The following C19orf44 variants were observed in gnomAD, a reference collection of about 807,000 sequenced individuals.
C19orf44 encodes the protein uncharacterized protein C19orf44.
A neutral mutation model predicts 50.7 loss-of-function variants in C19orf44; 43 were observed. That is an observed-to-expected ratio of 0.85 (90% CI 0.66 to 1.09). C19orf44 has a LOEUF of 1.09. Among genes scored for constraint, C19orf44 ranks in the 50% least tolerant of loss-of-function variants. C19orf44 has a pLI of 0.00. For missense variants in C19orf44, 722 were observed against 836.2 expected (o/e 0.86, Z 1.68); for synonymous variants, 298 against 334.7 (o/e 0.89, Z 1.20).
chr19:16,517,174 C>T (rs1239912160), intron 7 of C19orf44, 56 bp from the exon 8 acceptor site: 2 of 1,528,114 alleles, frequency 1.3e-6, no homozygotes, highest in African/African-American at 2.7e-5. Flanking sequence ...AGCACCCTGT[C>T]TCAGAGTGTA....
rs1480428317 is a variant in C19orf44, at chr19:16,509,709, C to A, written c.1360C>A (p.Pro454Thr). ...IQQDSTSSMQ[P>T]PSEAPMVNTV... ...GCAGGACAGCACTTCCAGCATGCAGCCACCATCTGAAGCCCCCATGGTGAA... is the reference window on the plus strand; with the variant it reads ...GCAGGACAGCACTTCCAGCATGCAGACACCATCTGAAGCCCCCATGGTGAA... Residue 454 changes from proline (P) to threonine (T), a missense_variant, in exon 5 of 9, where the codon CCA (proline) becomes ACA (threonine). Transcript: ENST00000221671. 2 of 1,614,130 alleles carry A rather than the reference C, an allele frequency of 1.2e-6. No homozygotes were observed. Among genetic ancestry groups the A allele is most frequent in the Non-Finnish European group, 1.7e-6 (2 of 1,180,050 alleles).
In C19orf44 at chr19:16,521,342, C is replaced by G; in HGVS notation, c.*1289C>G. ...TCTGATGTGTCTCCATTAAAACGCCCTTCATTGAGGGCCACGTGTGTGCTG... is the reference window on the plus strand; with the variant it reads ...TCTGATGTGTCTCCATTAAAACGCCGTTCATTGAGGGCCACGTGTGTGCTG... On this transcript the variant is annotated 3_prime_UTR_variant, in exon 9 of 9. Coordinates refer to ENST00000221671, the MANE Select transcript of C19orf44 (RefSeq NM_032207.4). 5.0e-6 allele frequency: 3 copies of G among 600,610 alleles called. No individual in the cohort carries two copies. The allele number at this position is 600,610 out of a possible 1,614,324, so 37.2% of individuals were successfully genotyped here.
chr19:16,506,419 C>G (rs2093440772), intron 3 of C19orf44, among the ~76,000 whole-genome samples: 1 of 151,898 alleles, frequency 6.6e-6, no homozygotes. Context: ...ATGGTGAAAT[C>G]TTGTCTGTAC....
chr19:16,509,958 G>C lies in C19orf44; in HGVS notation c.1609G>C (p.Asp537His). The C allele has an allele frequency of 6.2e-7, 1 of 1,614,250 alleles. No individual in the cohort carries two copies. Among genetic ancestry groups the C allele is most frequent in the African/African-American group, 1.3e-5 (1 of 75,080 alleles). Residue 537 changes from aspartate to histidine, a missense_variant, in exon 5 of 9, where the codon GAT becomes CAT. By Grantham distance (81) the Asp-to-His change is moderately conservative. Transcript: ENST00000221671. Reference protein sequence around the residue: ...LVKDTAVQTPDPAFTYEWTKV... With the variant: ...LVKDTAVQTPHPAFTYEWTKV... Reference sequence around the variant, plus strand: ...GAAGGACACAGCTGTGCAGACGCCAGATCCTGCCTTCACCTACGAGTGGAC... The same window carrying C: ...GAAGGACACAGCTGTGCAGACGCCACATCCTGCCTTCACCTACGAGTGGAC...
At position 16,503,365 on chromosome 19, in the gene C19orf44, G is replaced by T; in HGVS notation, c.1060G>T (p.Asp354Tyr). 6.2e-7 allele frequency: 1 copy of T among 1,610,770 alleles called. No homozygotes were observed. Among genetic ancestry groups the T allele is most frequent in the Non-Finnish European group, 8.5e-7 (1 of 1,177,180 alleles). ...GGACGAGCCAGTCTCAGAAGGTGCT[G>T]ATGACAGCCTCGACGGTAATCCCAG... ...TVDEPVSEGA[D>Y]DSLDEFRINI... Residue 354 changes from aspartate to tyrosine, a missense_variant, in exon 3 of 9, where the codon GAT becomes TAT. By Grantham distance (160) the Asp-to-Tyr change is radical (BLOSUM62 -3). Transcript: ENST00000221671.
chr19:16,509,763 T>G lies in C19orf44; in HGVS notation c.1414T>G (p.Phe472Val). The G allele has an allele frequency of 6.2e-7, 1 of 1,614,206 alleles. No homozygotes were observed. Among genetic ancestry groups the G allele is most frequent in the Non-Finnish European group, 8.5e-7 (1 of 1,180,038 alleles). The change falls in exon 5 of 9, where the codon TTT (phenylalanine) becomes GTT (valine). Residue 472 changes from phenylalanine (F) to valine (V), a missense_variant. Physicochemically the swap from Phe to Val is conservative, Grantham distance 50 (BLOSUM62 -1). Coordinates refer to ENST00000221671, the MANE Select transcript of C19orf44 (RefSeq NM_032207.4). ...AGTCAGCTCAGCTTATTCGGAGGAT[T>G]TTGAAAACTCTCCAAGTCTGACAGC... The part of the protein sequence containing the change: ...NTVSSAYSED[F>V]ENSPSLTASE...
rs2085608831 is a variant in C19orf44, at chr19:16,520,980, T to C, written c.*927T>C. On this transcript the variant is annotated 3_prime_UTR_variant, in exon 9 of 9. Coordinates refer to ENST00000221671, the MANE Select transcript of C19orf44 (RefSeq NM_032207.4). This position sits in a 1 kb window ranked among gnomAD's most constrained non-coding sequence, Gnocchi z 4.0. ...CCACAAGGAAGTCGTGAAAAAGTCA[T>C]CAGGAGTTAATCCACAGAACCTTGG... 1 of 1,359,956 alleles carries C rather than the reference T, an allele frequency of 7.4e-7. No individual in the cohort carries two copies. Among genetic ancestry groups the C allele is most frequent in the South Asian group, 1.2e-5 (1 of 86,022 alleles). 84.2% of individuals were successfully genotyped at this position (1,359,956 alleles called of 1,614,324 possible).
chr19:16,501,305 T>C lies in C19orf44; in HGVS notation c.513T>C (p.Ser171=). The change falls in exon 2 of 9, where the codon AGT becomes AGC. Residue 171 remains serine (S), a synonymous_variant. Coordinates refer to ENST00000221671, the MANE Select transcript of C19orf44 (RefSeq NM_032207.4). The stretch of plus-strand genomic sequence containing the variant: ...ATAATGCACAGAACGCGAAGGTCAG[T>C]AGGTTTCTAAAGAAGAAACAAGCAC... The part of the protein sequence containing the change: ...TENNAQNAKV[S]RFLKKKQAPV... 1 of 1,614,162 alleles carries C rather than the reference T, an allele frequency of 6.2e-7. No individual in the cohort carries two copies. Among genetic ancestry groups the C allele is most frequent in the Non-Finnish European group, 8.5e-7 (1 of 1,180,044 alleles).
At chr19:16,514,757 C>T in intron 7 of C19orf44, 94 bp downstream of exon 7, 1 of 1,355,476 alleles carries the variant, frequency 7.4e-7, no homozygotes, top group South Asian at 1.6e-5. Context: ...GGCCTGGGCT[C>T]CAGCGCTCAG....
Position 16,519,067 on chromosome 19 carries a change from T to C in C19orf44, c.*41-1027T>C. On this transcript the variant is annotated intron_variant, in intron 8 of 8. Transcript: ENST00000221671. This position sits in a 1 kb window ranked among gnomAD's most constrained non-coding sequence, Gnocchi z 6.0. ...CCACAAGTGGAGACGGTGTAAGAAC[T>C]GAGCTGTCACTGCAATCTTCCTCTG... 3 of 1,165,892 alleles carry C rather than the reference T, an allele frequency of 2.6e-6. No homozygotes were observed. The highest frequency in any genetic ancestry group is 2.5e-6 in the Non-Finnish European group (2 of 815,300). The allele number at this position is 1,165,892 out of a possible 1,614,324, so 72.2% of individuals were successfully genotyped here. A position where few individuals can be genotyped will look rare whatever the true frequency, so the allele number is the denominator to read the frequency against.
intron 1 of C19orf44, among the ~76,000 whole-genome samples, chr19:16,498,859 A>G (rs547189590): frequency 2.5e-4 from 37 of 150,978 alleles, no homozygotes; most frequent in Non-Finnish European, 4.0e-4. Flanking sequence ...TTTAGTAGAG[A>G]CGGGGTTTCA....
intron 8 of C19orf44, among the ~76,000 whole-genome samples, chr19:16,517,586 C>A (rs1252080122): frequency 1.3e-5 from 2 of 152,174 alleles, no homozygotes; most frequent in Non-Finnish European, 2.9e-5. Context: ...AGCTCTATGA[C>A]ACCACAGGCC....
chr19:16,511,276 C>G (rs558789453), intron 5 of C19orf44, among the ~76,000 whole-genome samples: 2 of 152,242 alleles, frequency 1.3e-5, no homozygotes, highest in African/African-American at 4.8e-5. Context: ...ACCTCGTGAT[C>G]TGCCTGCCTC....
chr19:16,515,491 C>T (rs1346115201), intron 7 of C19orf44, among the ~76,000 whole-genome samples: 1 of 152,174 alleles, frequency 6.6e-6, no homozygotes, highest in Non-Finnish European at 1.5e-5. Flanking sequence ...ATATATACTC[C>T]TTCAGACTCT....
At chr19:16,516,645 G>A (rs940208475) in intron 7 of C19orf44, among the ~76,000 whole-genome samples, 8 of 152,206 alleles carry the variant, frequency 5.3e-5, no homozygotes, top group East Asian at 1.9e-4. Flanking sequence ...CTGTGAAAGC[G>A]ATGCTGGGCC....
chr19:16,505,247 C>T (rs2093437528), intron 3 of C19orf44, among the ~76,000 whole-genome samples: 1 of 138,208 alleles, frequency 7.2e-6, no homozygotes, highest in African/African-American at 2.7e-5. Flanking sequence ...GAGTTTTGCC[C>T]TTGTTGCCCA....
intron 5 of C19orf44, among the ~76,000 whole-genome samples, chr19:16,510,450 A>G (rs1242976512): frequency 2.6e-5 from 4 of 152,054 alleles, no homozygotes; most frequent in African/African-American, 7.2e-5. Flanking sequence ...TTCCTCTTCC[A>G]TGGACGAGGG....
At chr19:16,497,121 T>C (rs2093411558) in intron 1 of C19orf44, among the ~76,000 whole-genome samples, 1 of 152,042 alleles carries the variant, frequency 6.6e-6, no homozygotes, top group Non-Finnish European at 1.5e-5. Flanking sequence ...TAATTTTTTG[T>C]ATTTTTAGTA....
In C19orf44 at chr19:16,520,295, G is replaced by A. The variant is rs142891196; in HGVS notation, c.*242G>A. ...AGGGAAGGGTGCCCAAGGGTCAGCA[G>A]CAGCCAGGCGTCGTGGGGAGGCCAC... On this transcript the variant is annotated 3_prime_UTR_variant, in exon 9 of 9. Transcript: ENST00000221671. The surrounding 1 kb of genome is among the most constrained non-coding windows in gnomAD (Gnocchi z 4.0). 198 of 1,613,314 alleles carry A rather than the reference G, an allele frequency of 1.2e-4. 1 individual carries two copies. The African/African-American group carries it at 2.5e-3, about 20-fold the overall frequency.
Sources: allele counts gnomAD v4.1 joint callset (sites outside exome capture counted in the v4.1 genomes callset), GRCh38; gene constraint gnomAD v4.1.1; non-coding constraint Gnocchi (gnomAD v3.1); transcripts MANE v1.5; gene names NCBI Gene and HGNC (gene_info 2026-07-23, HGNC 2026-07-21).